The following ZBTB20 variants were observed in gnomAD, a reference collection of about 807,000 sequenced individuals.
The protein encoded by ZBTB20 is zinc finger and BTB domain-containing protein 20.
Under a neutral mutation model 56.9 loss-of-function variants are expected in ZBTB20, and 9 were observed. That is an observed-to-expected ratio of 0.16 (90% CI 0.10 to 0.28). The LOEUF is 0.28. ZBTB20 is among the 10% of genes least tolerant of loss of function. The pLI is 1.00. For synonymous variants in ZBTB20, 417 were observed against 420.7 expected, an observed-to-expected ratio of 0.99 and a Z score of 0.11; for missense variants, 655 against 1,003.0, an observed-to-expected ratio of 0.65 and a Z score of 4.69.
chr3:114,702,194 A>G (rs943201010), intron 5 of ZBTB20, among the ~76,000 whole-genome samples: 5 of 152,010 alleles, frequency 3.3e-5, no homozygotes, highest in Non-Finnish European at 7.4e-5. Flanking sequence ...TGAAAAAAAA[A>G]TTAGCAGGCA....
chr3:114,546,869 A>G (rs1379085428), intron 6 of ZBTB20, among the ~76,000 whole-genome samples: 1 of 152,226 alleles, frequency 6.6e-6, no homozygotes, highest in Non-Finnish European at 1.5e-5. Flanking sequence ...GAAGAAAGTA[A>G]TGGATATACA....
intron 6 of ZBTB20, among the ~76,000 whole-genome samples, chr3:114,681,303 G>C (rs759430247): frequency 2.4e-4 from 36 of 152,090 alleles, no homozygotes; most frequent in Non-Finnish European, 4.9e-4. Flanking sequence ...GGGACTATTA[G>C]GCGTGTGCCA....
intron 6 of ZBTB20, chr3:114,520,222 T>C (rs1029347267): frequency 1.3e-5 from 2 of 152,058 alleles, no homozygotes; most frequent in East Asian, 3.9e-4. Context: ...TCTTTAAATA[T>C]CTCAATAATT....
chr3:114,692,637 A>G (rs2062766396), intron 6 of ZBTB20, among the ~76,000 whole-genome samples: 1 of 152,252 alleles, frequency 6.6e-6, no homozygotes, highest in African/African-American at 2.4e-5. Flanking sequence ...TCTCCAGTAC[A>G]GTTGCCAGTG....
rs529880972 is a variant in ZBTB20, at chr3:114,496,000, CAT to C, written c.-255+4350_-255+4351del. On this transcript the variant is annotated intron_variant, in intron 7 of 11. Transcript: ENST00000675478. ...GGAATCCCTCTGTCGAAATCATAGT[CAT>C]TGTCAGAGCAAGTTGATTTTTTTTT... 3.0e-4 allele frequency among the ~76,000 whole-genome samples: 45 copies of C among 152,182 alleles called. 1 individual carries two copies. The South Asian group carries it at 8.9e-3, about 30-fold the overall frequency.
intron 5 of ZBTB20, among the ~76,000 whole-genome samples, chr3:114,699,293 A>G (rs2063246618): frequency 6.6e-6 from 1 of 152,166 alleles, no homozygotes; most frequent in South Asian, 2.1e-4. Flanking sequence ...TTTAAAAAAT[A>G]CTGAGACAAA....
At chr3:114,662,853 T>A (rs1047402951) in intron 6 of ZBTB20, among the ~76,000 whole-genome samples, 5 of 152,172 alleles carry the variant, frequency 3.3e-5, no homozygotes, top group Non-Finnish European at 7.3e-5. Context: ...GGTTGCCTGT[T>A]CACTCTGATG....
chr3:115,010,572 A>G (rs1474885616), intron 2 of ZBTB20, among the ~76,000 whole-genome samples: 2 of 152,006 alleles, frequency 1.3e-5, no homozygotes, highest in Non-Finnish European at 2.9e-5. Context: ...TAAATCAGCA[A>G]GAACCACAGT....
At chr3:114,887,255 G>A (rs2076635978) in intron 4 of ZBTB20, among the ~76,000 whole-genome samples, 1 of 152,028 alleles carries the variant, frequency 6.6e-6, no homozygotes, top group African/African-American at 2.4e-5. Flanking sequence ...AGTTTTGGAG[G>A]GGACAAAAAT....
intron 1 of ZBTB20, among the ~76,000 whole-genome samples, chr3:115,119,828 G>A (rs2084129672): frequency 6.6e-6 from 1 of 152,170 alleles, no homozygotes; most frequent in Admixed American, 6.6e-5. Flanking sequence ...AAGCAAGAGT[G>A]TAATACTGTG....
At chr3:115,097,786 C>T (rs942326956) in intron 1 of ZBTB20, among the ~76,000 whole-genome samples, 10 of 152,284 alleles carry the variant, frequency 6.6e-5, no homozygotes, top group South Asian at 2.1e-4. Flanking sequence ...GCTCCTGTAA[C>T]GCAAGCCTTT....
intron 4 of ZBTB20, among the ~76,000 whole-genome samples, chr3:114,891,916 G>T (rs964096248): frequency 6.6e-6 from 1 of 151,880 alleles, no homozygotes; most frequent in Non-Finnish European, 1.5e-5. Flanking sequence ...GTGTGGTGGC[G>T]GGCACCTGTA....
chr3:114,494,660 G>A (rs2043087952), intron 7 of ZBTB20, among the ~76,000 whole-genome samples: 3 of 152,122 alleles, frequency 2.0e-5, no homozygotes, highest in African/African-American at 7.2e-5. Flanking sequence ...TTTCTACTGA[G>A]ACTATCGGGA....
chr3:115,084,075 A>T (rs1232977000), intron 1 of ZBTB20, among the ~76,000 whole-genome samples: 1 of 151,886 alleles, frequency 6.6e-6, no homozygotes, highest in Non-Finnish European at 1.5e-5. Flanking sequence ...GGATAGTAAA[A>T]TAATGTTAGA....
intron 2 of ZBTB20, among the ~76,000 whole-genome samples, chr3:115,013,395 T>C (rs1395664186): frequency 1.3e-5 from 2 of 151,678 alleles, no homozygotes; most frequent in African/African-American, 4.8e-5. Flanking sequence ...TAGTGGCTGC[T>C]ATAAATAGCT....
intron 2 of ZBTB20, among the ~76,000 whole-genome samples, chr3:115,064,543 C>T (rs2082136515): frequency 6.6e-6 from 1 of 150,740 alleles, no homozygotes; most frequent in South Asian, 2.1e-4. Flanking sequence ...CCTCCGCCTC[C>T]CGGGTTCAAG....
chr3:114,665,054 G>C (rs1278679980), intron 6 of ZBTB20, among the ~76,000 whole-genome samples: 2 of 152,030 alleles, frequency 1.3e-5, no homozygotes, highest in African/African-American at 4.8e-5. Context: ...ATTTATCCAG[G>C]TGTGCAGAAA....
In ZBTB20 at chr3:115,013,908, A is replaced by ATGTGTG. The variant is rs35762117; in HGVS notation, c.-506-39498_-506-39493dup. Among the ~76,000 whole-genome samples the ATGTGTG allele has an allele frequency of 6.6e-3, 978 of 147,848 alleles. 13 individuals are homozygous for ATGTGTG. Among genetic ancestry groups the ATGTGTG allele is most frequent in the African/African-American group, 0.019 (774 of 40,422 alleles). ...TACCATAAGATCCAGCAATCCCTAT[A>ATGTGTG]TGTGTGTGTGTGTGTGTGTGTGTGT... On this transcript the variant is annotated intron_variant, in intron 2 of 11. Coordinates refer to ENST00000675478, the MANE Select transcript of ZBTB20 (RefSeq NM_001348800.3).
At chr3:114,996,129 T>G (rs1000309388) in intron 2 of ZBTB20, among the ~76,000 whole-genome samples, 17 of 151,858 alleles carry the variant, frequency 1.1e-4, no homozygotes, top group African/African-American at 3.9e-4. Flanking sequence ...CACATGTCTT[T>G]TATTATGAGG....
Sources: gnomAD v4.1 joint callset for allele counts (sites outside exome capture counted in the v4.1 genomes callset) on GRCh38, gnomAD v4.1.1 for gene constraint, MANE v1.5 for transcripts, NCBI Gene and HGNC (gene_info 2026-07-23, HGNC 2026-07-21) for gene names.